The following FGF12 variants were observed in gnomAD, a reference collection of about 807,000 sequenced individuals.
The protein encoded by FGF12 is fibroblast growth factor 12B.
FGF12 carries 14 observed loss-of-function variants against 23.6 expected under a neutral mutation model. The observed-to-expected ratio is 0.59, with a 90% CI of 0.39 to 0.93. The LOEUF (loss-of-function observed/expected upper bound fraction) is 0.93. Ranked by LOEUF, FGF12 falls within the 40% of genes least tolerant of loss-of-function variation. The pLI is 0.00. For synonymous variants in FGF12, 62 were observed against 77.3 expected (o/e 0.80, Z 1.04); for missense variants, 175 against 217.8 (o/e 0.80, Z 1.24).
At chr3:192,595,050 C>T (rs1577070462) in intron 2 of FGF12, among the ~76,000 whole-genome samples, 2 of 152,296 alleles carry the variant, frequency 1.3e-5, no homozygotes, top group South Asian at 2.1e-4. Context: ...GAATAAATAA[C>T]TCCATAGGTA....
At position 192,195,838 on chromosome 3, in the gene FGF12, A is replaced by T. The variant is rs187539233; in HGVS notation, c.229-25182T>A. Among the ~76,000 whole-genome samples the T allele has an allele frequency of 3.6e-4, 55 of 152,306 alleles. No homozygotes were observed. In the East Asian group the frequency reaches 6.6e-3, roughly 18 times the overall value. On this transcript the variant is annotated intron_variant, in intron 4 of 5. Coordinates refer to ENST00000445105, the MANE Select transcript of FGF12 (RefSeq NM_004113.6). ...AATATACCTAAGTAACAAATGTATT[A>T]CCTCATCTAGTTATCACTTTTGTGG...
At chr3:192,478,451 A>G (rs138129319) in intron 2 of FGF12, among the ~76,000 whole-genome samples, 306 of 152,280 alleles carry the variant, frequency 2.0e-3, no homozygotes, top group African/African-American at 6.9e-3. Flanking sequence ...ACCCCATAAT[A>G]GTCATTTAGG....
chr3:192,576,640 C>T (rs1023774774), intron 2 of FGF12, among the ~76,000 whole-genome samples: 1 of 151,964 alleles, frequency 6.6e-6, no homozygotes, highest in Non-Finnish European at 1.5e-5. Flanking sequence ...TTTAAGAATA[C>T]TTGATGGTAT....
chr3:192,460,403 G>A (rs947466482), intron 2 of FGF12, among the ~76,000 whole-genome samples: 4 of 152,206 alleles, frequency 2.6e-5, no homozygotes, highest in Admixed American at 6.5e-5. Context: ...GCCTCAGAGC[G>A]GAGCTAGAGG....
chr3:192,184,183 C>A (rs1183551073), intron 4 of FGF12, among the ~76,000 whole-genome samples: 1 of 152,104 alleles, frequency 6.6e-6, no homozygotes, highest in Non-Finnish European at 1.5e-5. Context: ...AAGATTTTGC[C>A]ACTGTATGCC....
intron 4 of FGF12, among the ~76,000 whole-genome samples, chr3:192,302,565 C>T (rs563432744): frequency 5.9e-5 from 9 of 152,230 alleles, no homozygotes; most frequent in East Asian, 1.9e-4. Context: ...AGACCAGGCA[C>T]GGGACTAGGT....
chr3:192,275,353 T>C (rs1410686292), intron 4 of FGF12, among the ~76,000 whole-genome samples: 2 of 141,804 alleles, frequency 1.4e-5, no homozygotes, highest in Non-Finnish European at 3.1e-5. Context: ...AAAGTAACTT[T>C]GAAAAGACCA....
chr3:192,487,118 G>A (rs985544515), intron 2 of FGF12, among the ~76,000 whole-genome samples: 6 of 152,040 alleles, frequency 3.9e-5, no homozygotes, highest in Admixed American at 3.9e-4. Flanking sequence ...GGAAAGTGCT[G>A]TGATTTCATA....
chr3:192,367,674 A>G (rs1464294921), intron 2 of FGF12, among the ~76,000 whole-genome samples: 1 of 152,162 alleles, frequency 6.6e-6, no homozygotes, highest in Non-Finnish European at 1.5e-5. Context: ...CTATTTAGTA[A>G]AGGAGAAGCA....
chr3:192,263,176 C>G (rs527805078), intron 4 of FGF12, among the ~76,000 whole-genome samples: 8 of 152,054 alleles, frequency 5.3e-5, no homozygotes, highest in African/African-American at 1.9e-4. Context: ...TTGAATCAAG[C>G]AATATGGCAG....
chr3:192,292,560 T>G (rs975305489), intron 4 of FGF12, among the ~76,000 whole-genome samples: 6 of 152,128 alleles, frequency 3.9e-5, no homozygotes, highest in African/African-American at 1.2e-4. Flanking sequence ...AAAGGAAAAA[T>G]CATTCATTTA....
intron 4 of FGF12, among the ~76,000 whole-genome samples, chr3:192,260,252 G>A (rs150105380): frequency 9.9e-4 from 150 of 152,200 alleles, no homozygotes; most frequent in Non-Finnish European, 1.6e-3. Flanking sequence ...TATCACAGCC[G>A]TATTCATCTA....
intron 2 of FGF12, among the ~76,000 whole-genome samples, chr3:192,547,314 G>A (rs1286892490): frequency 2.0e-5 from 3 of 152,144 alleles, no homozygotes; most frequent in Non-Finnish European, 4.4e-5. Flanking sequence ...TTTTTTATAA[G>A]TAGTCTCTAT....
At chr3:192,582,421 T>A (rs1713194779) in intron 2 of FGF12, among the ~76,000 whole-genome samples, 1 of 152,190 alleles carries the variant, frequency 6.6e-6, no homozygotes, top group African/African-American at 2.4e-5. Flanking sequence ...TACTATTTCC[T>A]ACCTTAATAC....
At chr3:192,483,275 T>C (rs1723532089) in intron 2 of FGF12, among the ~76,000 whole-genome samples, 1 of 152,164 alleles carries the variant, frequency 6.6e-6, no homozygotes, top group Non-Finnish European at 1.5e-5. Flanking sequence ...TAAAGCCCAG[T>C]TCAAATGCCC....
intron 2 of FGF12, among the ~76,000 whole-genome samples, chr3:192,495,928 G>T (rs937891815): frequency 6.6e-6 from 1 of 152,052 alleles, no homozygotes; most frequent in African/African-American, 2.4e-5. Context: ...CTCCCAAATT[G>T]CTGGGATTAC....
chr3:192,585,060 G>C (rs977805283), intron 2 of FGF12, among the ~76,000 whole-genome samples: 1 of 152,104 alleles, frequency 6.6e-6, no homozygotes, highest in African/African-American at 2.4e-5. Context: ...GGTTTATTCT[G>C]CTGCATTCAA....
chr3:192,677,764 T>G (rs1222592954), intron 2 of FGF12, among the ~76,000 whole-genome samples: 1 of 152,170 alleles, frequency 6.6e-6, no homozygotes, highest in Non-Finnish European at 1.5e-5. Flanking sequence ...TGGCCTGTCT[T>G]CCGTCTCACA....
At chr3:192,661,661 A>C (rs1392514620) in intron 2 of FGF12, among the ~76,000 whole-genome samples, 1 of 152,220 alleles carries the variant, frequency 6.6e-6, no homozygotes, top group African/African-American at 2.4e-5. Flanking sequence ...CTTAAGAACA[A>C]ATCTTAAGTA....
Sources: allele counts gnomAD v4.1 joint callset (sites outside exome capture counted in the v4.1 genomes callset), GRCh38; gene constraint gnomAD v4.1.1; transcripts MANE v1.5; gene names NCBI Gene and HGNC (gene_info 2026-07-23, HGNC 2026-07-21).